Variants in PCDH15 observed in about 807,000 individuals in gnomAD.
PCDH15 encodes protocadherin-15.
PCDH15 carries 129 observed loss-of-function variants against 178.5 expected under a neutral mutation model. That is an observed-to-expected ratio of 0.72 (90% confidence interval 0.63 to 0.84). PCDH15 has a LOEUF of 0.84. Ranked by LOEUF, PCDH15 falls within the 40% of genes least tolerant of loss-of-function variation. PCDH15 has a pLI of 0.00. For synonymous variants in PCDH15, 800 were observed against 732.0 expected (o/e 1.09, Z -1.50); for missense variants, 2,230 against 2,099.9 (o/e 1.06, Z -1.21).
chr10:55,217,883 T>C (rs1840751756), intron 1 of PCDH15, among the ~76,000 whole-genome samples: 2 of 152,152 alleles, frequency 1.3e-5, no homozygotes, highest in East Asian at 3.9e-4. Flanking sequence ...GGATTCTTTT[T>C]ACTTGTTAGT....
Position 55,040,494 on chromosome 10 carries a change from T to TACAACAACA in PCDH15, c.-80+126073_-80+126081dup, listed in dbSNP as rs71461272. 6.2e-3 allele frequency among the ~76,000 whole-genome samples: 933 copies of TACAACAACA among 149,840 alleles called. 7 individuals carry two copies. The highest frequency in any genetic ancestry group is 0.024 in the Middle Eastern group (7 of 290). ...TGAATCAAAAAAAAACCAAAACAAC[T>TACAACAACA]ACAACAACAACAACAACAACAACAA... On this transcript the variant is annotated intron_variant, in intron 2 of 5. Coordinates refer to the PCDH15 transcript ENST00000458638.
At chr10:55,195,023 A>AT (rs763738202) in intron 1 of PCDH15, among the ~76,000 whole-genome samples, 15,933 of 140,524 alleles carry the variant, frequency 0.11, 938 homozygotes, top group East Asian at 0.25. Context: ...GAAGAAGAAA[A>AT]TTTTTTTTTT....
chr10:55,139,265 G>T (rs1297103074), intron 2 of PCDH15, among the ~76,000 whole-genome samples: 2 of 151,772 alleles, frequency 1.3e-5, no homozygotes, highest in African/African-American at 4.8e-5. Flanking sequence ...TCTTATCGAG[G>T]TATTTGAGAA....
intron 2 of PCDH15, among the ~76,000 whole-genome samples, chr10:55,593,385 A>G (rs1018743180): frequency 1.3e-5 from 2 of 151,978 alleles, no homozygotes; most frequent in African/African-American, 4.8e-5. Flanking sequence ...GACACTGAAC[A>G]TGTATAATTT....
chr10:54,324,170 G>A (rs547478148), intron 7 of PCDH15, among the ~76,000 whole-genome samples: 3 of 151,854 alleles, frequency 2.0e-5, no homozygotes, highest in Non-Finnish European at 4.4e-5. Context: ...GGAAGGTCAG[G>A]GTAGAGGTTA....
intron 2 of PCDH15, among the ~76,000 whole-genome samples, chr10:55,603,477 T>G (rs1390840125): frequency 6.6e-6 from 1 of 151,858 alleles, no homozygotes; most frequent in African/African-American, 2.4e-5. Flanking sequence ...GGAAAAAATG[T>G]TAAGGGCAGC....
rs11004640 is a variant in PCDH15, at chr10:54,930,540, T to C, written c.-79-33040A>G. Among the ~76,000 whole-genome samples the C allele has an allele frequency of 7.9e-5, 12 of 152,302 alleles. No individual in the cohort carries two copies. The East Asian group carries it at 2.3e-3, about 29-fold the overall frequency. The stretch of plus-strand genomic sequence containing the variant: ...GCTGCTTCAATTTGTTTACTCTGTT[T>C]TCCTTTACTTGAATTTTTGATTTCA... On this transcript the variant is annotated intron_variant, in intron 2 of 5. Coordinates refer to the PCDH15 transcript ENST00000458638.
At chr10:54,042,456 G>A (rs1329979896) in intron 18 of PCDH15, among the ~76,000 whole-genome samples, 1 of 152,104 alleles carries the variant, frequency 6.6e-6, no homozygotes, top group East Asian at 1.9e-4. Flanking sequence ...CTATTGAAAT[G>A]GGGTACTCAG....
chr10:54,675,384 C>G (rs2094764512), intron 1 of PCDH15, among the ~76,000 whole-genome samples: 1 of 151,480 alleles, frequency 6.6e-6, no homozygotes, highest in Admixed American at 6.6e-5. Context: ...CTTCCCAACA[C>G]ACCCTGGCAA....
intron 2 of PCDH15, among the ~76,000 whole-genome samples, chr10:55,519,420 G>T (rs1841103247): frequency 6.6e-6 from 1 of 151,966 alleles, no homozygotes; most frequent in Non-Finnish European, 1.5e-5. Context: ...GTGGGGACGG[G>T]TGGAACGGAA....
At chr10:55,564,724 A>G (rs190603291) in intron 2 of PCDH15, among the ~76,000 whole-genome samples, 1 of 151,840 alleles carries the variant, frequency 6.6e-6, no homozygotes, top group East Asian at 1.9e-4. Flanking sequence ...TTAATACCAG[A>G]TAAAATAGAC....
intron 3 of PCDH15, among the ~76,000 whole-genome samples, chr10:54,478,829 G>T (rs1393608984): frequency 2.0e-5 from 3 of 151,944 alleles, no homozygotes; most frequent in African/African-American, 7.2e-5. Flanking sequence ...TGTGCAAATG[G>T]CATGTTATAA....
Position 53,938,743 on chromosome 10 carries a change from T to C in PCDH15, c.3373+72A>G, listed in dbSNP as rs1465575523. 2.7e-6 allele frequency: 4 copies of C among 1,458,762 alleles called. No homozygotes were observed. The African/African-American group carries it at 5.6e-5, about 20-fold the overall frequency. The allele number at this position is 1,458,762 out of a possible 1,614,324, so 90.4% of individuals were successfully genotyped here. On this transcript the variant is annotated intron_variant, in intron 25 of 37. Coordinates refer to ENST00000644397, the MANE Select transcript of PCDH15 (RefSeq NM_001384140.1). ...TCCACTGAGAATGATATTTTAGACATAGGTATTTCATTTAAAAAATTAGCA... is the reference window on the plus strand; with the variant it reads ...TCCACTGAGAATGATATTTTAGACACAGGTATTTCATTTAAAAAATTAGCA...
intron 3 of PCDH15, among the ~76,000 whole-genome samples, chr10:54,824,071 C>T (rs918461154): frequency 2.0e-5 from 3 of 152,230 alleles, no homozygotes; most frequent in African/African-American, 7.2e-5. Flanking sequence ...CTAAGGCAAA[C>T]CTTACATCTT....
intron 2 of PCDH15, among the ~76,000 whole-genome samples, chr10:55,437,832 CTT>C (rs778307616): frequency 1.2e-5 from 1 of 85,146 alleles, no homozygotes; most frequent in Non-Finnish European, 2.2e-5. Flanking sequence ...TATTGCTTTT[CTT>C]TTTTTTTTTT....
chr10:54,950,625 T>C (rs1044984333), intron 2 of PCDH15, among the ~76,000 whole-genome samples: 2 of 151,900 alleles, frequency 1.3e-5, no homozygotes, highest in Non-Finnish European at 2.9e-5. Context: ...TTATCAGCAA[T>C]GTGAGAAGAG....
At chr10:55,061,135 T>C (rs1014300068) in intron 2 of PCDH15, among the ~76,000 whole-genome samples, 1 of 152,044 alleles carries the variant, frequency 6.6e-6, no homozygotes, top group Admixed American at 6.6e-5. Context: ...AAAATGAAAA[T>C]ATAAGTCACA....
chr10:54,379,969 G>A (rs897266849), intron 3 of PCDH15, among the ~76,000 whole-genome samples: 2 of 151,876 alleles, frequency 1.3e-5, no homozygotes, highest in East Asian at 1.9e-4. Flanking sequence ...AAAATATAAC[G>A]AAAAAAGTAT....
At chr10:54,242,130 TTATATATATATA>T (rs57729172) in intron 8 of PCDH15, among the ~76,000 whole-genome samples, 871 of 31,610 alleles carry the variant, frequency 0.028, 39 homozygotes, top group Non-Finnish European at 0.033. Context: ...AATTCTATTT[TTATATATATATA>T]TATATATATA....
Sources: gnomAD v4.1 joint callset for allele counts (sites outside exome capture counted in the v4.1 genomes callset) on GRCh38, gnomAD v4.1.1 for gene constraint, MANE v1.5 for transcripts, NCBI Gene and HGNC (gene_info 2026-07-23, HGNC 2026-07-21) for gene names.